Variants in USP7 observed in about 807,000 individuals in gnomAD.
USP7 encodes the protein ubiquitin specific peptidase 7.
In USP7, 9 loss-of-function variants were observed where a neutral mutation model predicts 162.9. The ratio of observed to expected loss-of-function variants is 0.06; its 90% CI spans 0.03 to 0.10. The LOEUF (loss-of-function observed/expected upper bound fraction) is 0.10. Ranked by LOEUF, USP7 falls within the 10% of genes least tolerant of loss-of-function variation. The probability of loss-of-function intolerance (pLI) is 1.00; values close to 1 mark genes in which losing one functional copy is unlikely to be tolerated. For missense variants in USP7, 715 were observed against 1,373.7 expected, an observed-to-expected ratio of 0.52 and a Z score of 7.58; for synonymous variants, 562 against 475.9, an observed-to-expected ratio of 1.18 and a Z score of -2.35.
chr16:8,895,740 G>A lies in USP7; in HGVS notation c.2821C>T (p.Leu941=). Residue 941 remains leucine (L), a splice_region_variant and synonymous_variant, in exon 27 of 31, where the codon CTG becomes TTG. Transcript: ENST00000344836. ...LGEKASGKLR[L]LEIVSYKIIG... is the part of the protein sequence containing the mutation. ...ATTTTGTAGCTTACAATTTCTAGCA[G>A]CCTGAACAGAGAGGAAAAAAAAATA... 1 of 1,606,428 alleles carries A rather than the reference G, an allele frequency of 6.2e-7. No individual in the cohort carries two copies. Among genetic ancestry groups the A allele is most frequent in the Non-Finnish European group, 8.5e-7 (1 of 1,177,370 alleles).
At position 8,904,020 on chromosome 16, in the gene USP7, G is replaced by C. The variant is rs1327483324; in HGVS notation, c.1704+415C>G. Among the ~76,000 whole-genome samples the C allele has an allele frequency of 2.6e-5, 4 of 152,242 alleles. No individual in the cohort carries two copies. The East Asian group carries it at 7.7e-4, about 29-fold the overall frequency. ...CCCTCAGTACTTTTTGAAGCAACCT[G>C]ACGTGCACTTAATCACTTCTCTGTC... On this transcript the variant is annotated intron_variant, in intron 15 of 30. Transcript: ENST00000344836.
intron 6 of USP7, 23 bp from the exon 7 acceptor site, chr16:8,917,179 A>C: frequency 6.3e-7 from 1 of 1,576,108 alleles, no homozygotes; most frequent in East Asian, 2.3e-5. Flanking sequence ...AGAAATAAGA[A>C]TTTTTACTCT....
At chr16:8,916,088 C>T (rs1897352825) in intron 8 of USP7, among the ~76,000 whole-genome samples, 1 of 152,124 alleles carries the variant, frequency 6.6e-6, no homozygotes, top group Non-Finnish European at 1.5e-5. Flanking sequence ...GAGTAATCAC[C>T]GCATGCTGAG....
intron 1 of USP7, among the ~76,000 whole-genome samples, chr16:8,934,938 A>T (rs1782584603): frequency 1.3e-5 from 2 of 151,410 alleles, no homozygotes; most frequent in African/African-American, 4.9e-5. Flanking sequence ...ATTTTAATTA[A>T]GACATGGTAA....
At chr16:8,940,857 T>C (rs1379265726) in intron 1 of USP7, among the ~76,000 whole-genome samples, 1 of 152,134 alleles carries the variant, frequency 6.6e-6, no homozygotes, top group Non-Finnish European at 1.5e-5. Flanking sequence ...GGCAGGAGAA[T>C]CACTTATATA....
intron 2 of USP7, chr16:8,929,515 TG>T: frequency 2.2e-6 from 1 of 456,032 alleles, no homozygotes; most frequent in Non-Finnish European, 4.4e-6. Flanking sequence ...CCGTGACTGA[TG>T]GTTTCTTTCA....
At chr16:8,939,397 A>G (rs1467219075) in intron 1 of USP7, among the ~76,000 whole-genome samples, 1 of 152,228 alleles carries the variant, frequency 6.6e-6, no homozygotes, top group African/African-American at 2.4e-5. Context: ...CTAGGATATC[A>G]TGGCAGGGAT....
chr16:8,958,709 G>A (rs1035118412), intron 1 of USP7, among the ~76,000 whole-genome samples: 1 of 152,350 alleles, frequency 6.6e-6, no homozygotes, highest in African/African-American at 2.4e-5. Context: ...ACTCATCGCA[G>A]GGAGCTCTAG....
chr16:8,962,537 G>A, intron 1 of USP7: 1 of 444,458 alleles, frequency 2.2e-6, no homozygotes, highest in Non-Finnish European at 4.6e-6. Flanking sequence ...TCGCACGGTT[G>A]CAAGCGCACA....
At chr16:8,917,366 A>C (rs113678581) in intron 6 of USP7, among the ~76,000 whole-genome samples, 1 of 152,198 alleles carries the variant, frequency 6.6e-6, no homozygotes, top group Admixed American at 6.5e-5. Context: ...ATAAGAATGC[A>C]AAAATAAATT....
At chr16:8,944,552 T>C (rs1023074752) in intron 1 of USP7, among the ~76,000 whole-genome samples, 1 of 152,324 alleles carries the variant, frequency 6.6e-6, no homozygotes, top group South Asian at 2.1e-4. Flanking sequence ...CCTTTAAAAA[T>C]AGTCAAACAT....
chr16:8,902,358 G>C (rs762513974), intron 17 of USP7, 23 bp downstream of exon 17: 2 of 1,611,832 alleles, frequency 1.2e-6, no homozygotes, highest in Admixed American at 1.7e-5. Context: ...TTCCAAACCA[G>C]ATACGCTATT....
intron 5 of USP7, 80 bp downstream of exon 5, chr16:8,920,279 T>G (rs941889307): frequency 8.9e-6 from 11 of 1,231,812 alleles, no homozygotes; most frequent in Middle Eastern, 1.9e-4. Flanking sequence ...TATGTGCATC[T>G]CTATTACATG....
intron 23 of USP7, 135 bp from the exon 24 acceptor site, chr16:8,898,774 A>C (rs2061728100): frequency 1.4e-6 from 1 of 690,192 alleles, no homozygotes; most frequent in Admixed American, 3.1e-5. Flanking sequence ...GGTTTAACTT[A>C]ATACTCCTGT....
At chr16:8,959,869 T>C (rs1291070093) in intron 1 of USP7, among the ~76,000 whole-genome samples, 1 of 152,168 alleles carries the variant, frequency 6.6e-6, no homozygotes, top group Non-Finnish European at 1.5e-5. Context: ...GACCCATTAA[T>C]TTGCTCCTAA....
At chr16:8,943,315 A>G in intron 1 of USP7, among the ~76,000 whole-genome samples, 1 of 151,368 alleles carries the variant, frequency 6.6e-6, no homozygotes, top group East Asian at 1.9e-4. Context: ...TAAAGAGCTT[A>G]TAATTACGCC....
intron 1 of USP7, among the ~76,000 whole-genome samples, chr16:8,962,319 G>C (rs1303258084): frequency 6.6e-6 from 1 of 152,180 alleles, no homozygotes; most frequent in African/African-American, 2.4e-5. Context: ...TCAGTGAAAT[G>C]GGTCGTGAGA....
At chr16:8,952,911 A>C (rs1362776011) in intron 1 of USP7, among the ~76,000 whole-genome samples, 1 of 151,164 alleles carries the variant, frequency 6.6e-6, no homozygotes, top group South Asian at 2.1e-4. Context: ...ATCTCGGCTC[A>C]CTGCAACCTC....
intron 1 of USP7, among the ~76,000 whole-genome samples, chr16:8,939,776 T>C (rs1173304596): frequency 6.6e-6 from 1 of 152,160 alleles, no homozygotes; most frequent in Non-Finnish European, 1.5e-5. Flanking sequence ...TCCAAAACAT[T>C]GTCATGATTT....
Sources: allele counts gnomAD v4.1 joint callset (sites outside exome capture counted in the v4.1 genomes callset), GRCh38; gene constraint gnomAD v4.1.1; transcripts MANE v1.5; gene names NCBI Gene and HGNC (gene_info 2026-07-23, HGNC 2026-07-21).